The following MPPED2 variants were observed in gnomAD, a reference collection of about 807,000 sequenced individuals.
MPPED2 encodes metallophosphoesterase MPPED2.
Under a neutral mutation model 33.0 loss-of-function variants are expected in MPPED2, and 5 were observed. That is an observed-to-expected ratio of 0.15 (90% CI 0.08 to 0.32). The LOEUF is 0.32. MPPED2 is among the 10% of genes least tolerant of loss of function. The pLI is 1.00. For missense variants in MPPED2, 275 were observed against 372.1 expected (o/e 0.74, Z 2.15); for synonymous variants, 136 against 141.9 (o/e 0.96, Z 0.29).
chr11:30,458,917 T>C (rs796199779), intron 4 of MPPED2, among the ~76,000 whole-genome samples: 177 of 99,854 alleles, frequency 1.8e-3, no homozygotes, highest in African/African-American at 7.1e-3. Flanking sequence ...CACAGTTCTT[T>C]TTTTTTTTTT....
At chr11:30,453,295 T>C (rs1950142483) in intron 4 of MPPED2, among the ~76,000 whole-genome samples, 1 of 152,184 alleles carries the variant, frequency 6.6e-6, no homozygotes, top group African/African-American at 2.4e-5. Context: ...AGAAAGATAC[T>C]AAGGAAACTG....
At position 30,411,412 on chromosome 11, in the gene MPPED2, T is replaced by C. The variant is rs539376948; in HGVS notation, c.*56A>G. 6 of 1,542,698 alleles carry C rather than the reference T, an allele frequency of 3.9e-6. No homozygotes were observed. The highest frequency in any genetic ancestry group is 5.3e-6 in the Non-Finnish European group (6 of 1,139,686). ...AAGTAAGAGAATGTAAGTTTATAAT[T>C]AGAAAAATGGCAGTTTATAGACCTT... On this transcript the variant is annotated 3_prime_UTR_variant, in exon 7 of 7. Coordinates refer to ENST00000358117, the MANE Select transcript of MPPED2 (RefSeq NM_001584.3).
intron 6 of MPPED2, among the ~76,000 whole-genome samples, chr11:30,399,397 T>G (rs1947880132): frequency 6.6e-6 from 1 of 152,150 alleles, no homozygotes; most frequent in South Asian, 2.1e-4. Context: ...GAATTAAGAC[T>G]TCCATCACAG....
intron 2 of MPPED2, among the ~76,000 whole-genome samples, chr11:30,536,896 A>G (rs1477251231): frequency 6.6e-6 from 1 of 152,174 alleles, no homozygotes; most frequent in Non-Finnish European, 1.5e-5. Flanking sequence ...GAATGCTCAA[A>G]TGCCTTGGGC....
chr11:30,451,771 G>A (rs1242899629), intron 4 of MPPED2: 2 of 985,274 alleles, frequency 2.0e-6, no homozygotes, highest in East Asian at 2.3e-4. Flanking sequence ...TTGAGGGGTG[G>A]GAGGGGACAT....
intron 1 of MPPED2, among the ~76,000 whole-genome samples, chr11:30,585,328 T>C (rs900845755): frequency 6.7e-6 from 1 of 150,288 alleles, no homozygotes; most frequent in Non-Finnish European, 1.5e-5. Flanking sequence ...CGGCGGAGAG[T>C]GAGGTTGGGG....
At chr11:30,448,792 A>G (rs1949923998) in intron 4 of MPPED2, among the ~76,000 whole-genome samples, 1 of 151,554 alleles carries the variant, frequency 6.6e-6, no homozygotes, top group South Asian at 2.1e-4. Context: ...CTCCTGCCCC[A>G]GCCTCCTGAG....
chr11:30,482,125 G>C (rs1951517970), intron 4 of MPPED2, among the ~76,000 whole-genome samples: 5 of 152,018 alleles, frequency 3.3e-5, no homozygotes, highest in Admixed American at 3.3e-4. Flanking sequence ...CTTACCCACT[G>C]TAAGAATGTA....
At chr11:30,466,419 TGAAAG>T in intron 4 of MPPED2, among the ~76,000 whole-genome samples, 1 of 152,184 alleles carries the variant, frequency 6.6e-6, no homozygotes, top group East Asian at 1.9e-4. Context: ...GCTGGAGTGA[TGAAAG>T]GAAGAGGTGC....
At chr11:30,505,168 A>C (rs1205284718) in intron 3 of MPPED2, among the ~76,000 whole-genome samples, 2 of 152,152 alleles carry the variant, frequency 1.3e-5, no homozygotes, top group Non-Finnish European at 2.9e-5. Flanking sequence ...TAATATCCAC[A>C]ATTTTTAGAC....
At chr11:30,552,515 G>C (rs1955764350) in intron 2 of MPPED2, among the ~76,000 whole-genome samples, 1 of 152,078 alleles carries the variant, frequency 6.6e-6, no homozygotes, top group African/African-American at 2.4e-5. Context: ...TTTCTGCTAT[G>C]CATTTTAAAA....
rs1329554667 is a variant in MPPED2 at position 30,475,827 on chromosome 11, CAA to C, written c.536+19467_536+19468del. On this transcript the variant is annotated intron_variant, in intron 4 of 6. Coordinates refer to ENST00000358117, the MANE Select transcript of MPPED2 (RefSeq NM_001584.3). ...GTGGGTTGACTTTTTAAGAAACTGC[CAA>C]AAAGTTTTCCAAAGAGGGTGTTCCA... 2.0e-5 allele frequency among the ~76,000 whole-genome samples: 3 copies of C among 151,996 alleles called. No individual in the cohort carries two copies. The East Asian group carries it at 5.8e-4, about 29-fold the overall frequency.
At chr11:30,390,224 G>A (rs1213611312) in intron 6 of MPPED2, among the ~76,000 whole-genome samples, 2 of 152,108 alleles carry the variant, frequency 1.3e-5, no homozygotes, top group East Asian at 3.9e-4. Context: ...TTGAGCACTG[G>A]CATGTAGAAG....
intron 4 of MPPED2, among the ~76,000 whole-genome samples, chr11:30,479,494 AG>A (rs1209337006): frequency 1.3e-5 from 2 of 152,122 alleles, no homozygotes; most frequent in Admixed American, 1.3e-4. Context: ...TTCCCTCCCC[AG>A]CAACCAAAAG....
At chr11:30,585,142 G>A (rs180955081) in intron 1 of MPPED2, among the ~76,000 whole-genome samples, 41 of 152,214 alleles carry the variant, frequency 2.7e-4, no homozygotes, top group Admixed American at 1.1e-3. Context: ...GAATTCAAAG[G>A]CTTTACAAAG....
At chr11:30,484,703 G>A (rs971197703) in intron 4 of MPPED2, among the ~76,000 whole-genome samples, 2 of 152,126 alleles carry the variant, frequency 1.3e-5, no homozygotes, top group Admixed American at 1.3e-4. Flanking sequence ...TTTAACAGAC[G>A]TCTATCCACT....
At chr11:30,499,310 T>G (rs1952446537) in intron 3 of MPPED2, among the ~76,000 whole-genome samples, 1 of 152,232 alleles carries the variant, frequency 6.6e-6, no homozygotes, top group African/African-American at 2.4e-5. Flanking sequence ...CAGAATCATT[T>G]AGGATTTTGG....
chr11:30,494,757 A>AAAAAAAAAAAAAAAG (rs768924251), intron 4 of MPPED2, among the ~76,000 whole-genome samples: 7 of 120,884 alleles, frequency 5.8e-5, no homozygotes, highest in African/African-American at 2.4e-4. Context: ...AAAAAAAAAA[A>AAAAAAAAAAAAAAAG]AAAGAAAGAA....
At chr11:30,391,363 C>T (rs1015218854) in intron 6 of MPPED2, among the ~76,000 whole-genome samples, 1 of 152,128 alleles carries the variant, frequency 6.6e-6, no homozygotes, top group African/African-American at 2.4e-5. Flanking sequence ...GTAGACCAGC[C>T]CTCAGGTTCC....
Sources: allele counts gnomAD v4.1 joint callset (sites outside exome capture counted in the v4.1 genomes callset), GRCh38; gene constraint gnomAD v4.1.1; transcripts MANE v1.5; gene names NCBI Gene and HGNC (gene_info 2026-07-23, HGNC 2026-07-21).